Variants in EP300 observed in about 807,000 individuals in gnomAD.
EP300 encodes EP300 lysine acetyltransferase, also known as histone acetyltransferase p300.
EP300 carries 31 observed loss-of-function variants against 264.0 expected under a neutral mutation model. The ratio of observed to expected loss-of-function variants is 0.12; its 90% CI spans 0.09 to 0.16. The LOEUF (loss-of-function observed/expected upper bound fraction) is 0.16, where lower values mean the gene tolerates loss of function less well. Among genes scored for constraint, EP300 ranks in the 10% least tolerant of loss-of-function variants. The pLI is 1.00. For missense variants in EP300, 2,766 were observed against 3,052.9 expected, an observed-to-expected ratio of 0.91 and a Z score of 2.21; for synonymous variants, 1,340 against 1,045.4, an observed-to-expected ratio of 1.28 and a Z score of -5.44.
intron 7 of EP300, 152 bp downstream of exon 7, chr22:41,136,058 TA>T (rs1413839250): frequency 2.8e-6 from 2 of 704,482 alleles, no homozygotes; most frequent in African/African-American, 3.5e-5. Flanking sequence ...TTTCGCTCTG[TA>T]GCCCAGGCTA....
intron 1 of EP300, among the ~76,000 whole-genome samples, chr22:41,110,610 A>G (rs557387736): frequency 6.6e-6 from 1 of 152,072 alleles, no homozygotes. Flanking sequence ...TATCCAGCTA[A>G]TTTTTAAAAA....
At chr22:41,103,436 A>C (rs1162661779) in intron 1 of EP300, among the ~76,000 whole-genome samples, 2 of 152,218 alleles carry the variant, frequency 1.3e-5, no homozygotes, top group Non-Finnish European at 2.9e-5. Flanking sequence ...ATGTCCACAC[A>C]GTTTTCCCGT....
At chr22:41,135,783 T>C in intron 6 of EP300, 30 bp from the exon 7 acceptor site, 1 of 1,496,766 alleles carries the variant, frequency 6.7e-7, no homozygotes, top group Non-Finnish European at 9.3e-7. Context: ...TGTATTTATT[T>C]CTGTCTCCTG....
intron 10 of EP300, among the ~76,000 whole-genome samples, chr22:41,143,391 G>A (rs1180967799): frequency 2.0e-5 from 3 of 152,220 alleles, no homozygotes; most frequent in Non-Finnish European, 4.4e-5. Context: ...GGTCAAGGCT[G>A]CAGTGAGCTG....
chr22:41,094,024 A>G lies in EP300; in HGVS notation c.94+926A>G, dbSNP rs560850612. On this transcript the variant is annotated intron_variant, in intron 1 of 30. Coordinates refer to ENST00000263253, the MANE Select transcript of EP300 (RefSeq NM_001429.4). ...CTTGGAGATCAAGATTTTCGTTTAA[A>G]AGCTTTACGACCAGTTCATTCAGTT... Among the ~76,000 whole-genome samples, 5 of 152,340 alleles carry G rather than the reference A, an allele frequency of 3.3e-5. No individual in the cohort carries two copies. In the East Asian group the frequency reaches 5.8e-4, roughly 18 times the overall value.
intron 1 of EP300, among the ~76,000 whole-genome samples, chr22:41,114,085 A>G (rs2058808527): frequency 6.6e-6 from 1 of 152,184 alleles, no homozygotes; most frequent in East Asian, 1.9e-4. Flanking sequence ...ACGTAAGTAT[A>G]AGGAAATAAT....
At chr22:41,093,497 T>A (rs975126058) in intron 1 of EP300, among the ~76,000 whole-genome samples, 1 of 152,210 alleles carries the variant, frequency 6.6e-6, no homozygotes, top group African/African-American at 2.4e-5. Flanking sequence ...CTGTACTTAC[T>A]GTGTTTCCTC....
At chr22:41,095,211 T>C (rs558861149) in intron 1 of EP300, among the ~76,000 whole-genome samples, 1 of 150,566 alleles carries the variant, frequency 6.6e-6, no homozygotes, top group East Asian at 1.9e-4. Flanking sequence ...GTTAACTTAC[T>C]TCAAGTTGGG....
At chr22:41,164,372 G>C (rs146003246) in intron 22 of EP300, among the ~76,000 whole-genome samples, 25 of 152,042 alleles carry the variant, frequency 1.6e-4, no homozygotes, top group African/African-American at 6.0e-4. Context: ...ATTTTATTCT[G>C]CTGGATTGTT....
intron 6 of EP300, among the ~76,000 whole-genome samples, chr22:41,133,695 C>T (rs1033911581): frequency 1.2e-4 from 18 of 152,104 alleles, no homozygotes; most frequent in Non-Finnish European, 1.9e-4. Flanking sequence ...TCCTATTTTC[C>T]ACTGCTGTGT....
chr22:41,177,140 A>G lies in EP300; in HGVS notation c.5429A>G (p.Lys1810Arg), dbSNP rs2059205179. The G allele has an allele frequency of 6.2e-7, 1 of 1,614,088 alleles. No individual in the cohort carries two copies. Among genetic ancestry groups the G allele is most frequent in the South Asian group, 1.1e-5 (1 of 91,088 alleles). ...KCPVPFCLNI[K>R]QKLRQQQLQH... Reference sequence around the variant, plus strand: ...CCGGTGCCGTTCTGCCTAAACATCAAGCAGAAGCTCCGGCAGCAACAGCTG... The same window carrying G: ...CCGGTGCCGTTCTGCCTAAACATCAGGCAGAAGCTCCGGCAGCAACAGCTG... Residue 1810 changes from lysine (K) to arginine (R), a missense_variant, in exon 31 of 31, where the codon AAG (lysine) becomes AGG (arginine). Transcript: ENST00000263253.
intron 28 of EP300, 54 bp downstream of exon 28, chr22:41,172,717 C>T (rs988061901): frequency 1.3e-6 from 2 of 1,558,276 alleles, no homozygotes; most frequent in African/African-American, 2.7e-5. Context: ...ATATTTAATC[C>T]AGAAGTGCAC....
Position 41,179,915 on chromosome 22 carries a change from C to G in EP300, c.*959C>G. 5.6e-6 allele frequency: 1 copy of G among 177,900 alleles called. No homozygotes were observed. Among genetic ancestry groups the G allele is most frequent in the Middle Eastern group, 1.7e-3 (1 of 606 alleles). 11.0% of individuals were successfully genotyped at this position (177,900 alleles called of 1,614,324 possible). A position where few individuals can be genotyped will look rare whatever the true frequency, so the allele number is the denominator to read the frequency against. ...ACACACACACACACACACACACACA[C>G]ACACACACTTTCTATAAAACTTGAA... On this transcript the variant is annotated 3_prime_UTR_variant, in exon 31 of 31. Transcript: ENST00000263253.
chr22:41,175,192 T>C (rs747374448), intron 29 of EP300, among the ~76,000 whole-genome samples: 1 of 152,352 alleles, frequency 6.6e-6, no homozygotes, highest in South Asian at 2.1e-4. Context: ...ACACATTCCA[T>C]GGCTGTTTAA....
intron 1 of EP300, among the ~76,000 whole-genome samples, chr22:41,096,570 C>T (rs918001801): frequency 1.3e-5 from 2 of 149,766 alleles, no homozygotes; most frequent in African/African-American, 4.9e-5. Flanking sequence ...GATTAATGTA[C>T]ACAGTGGAGA....
At position 41,094,732 on chromosome 22, in the gene EP300, GTTTTTGC is replaced by G. The variant is rs1420245617; in HGVS notation, c.94+1640_94+1646del. On this transcript the variant is annotated intron_variant, in intron 1 of 30. Transcript: ENST00000263253. ...TCTTTCGTATTTGTGTAATGTGGTA[GTTTTTGC>G]TTTTTAGTTTTGGTGTAACGTGGTA... 5.3e-5 allele frequency among the ~76,000 whole-genome samples: 8 copies of G among 152,326 alleles called. No individual in the cohort carries two copies. In the South Asian group the frequency reaches 1.7e-3, roughly 32 times the overall value.
chr22:41,139,597 C>T (rs756891666), intron 8 of EP300, among the ~76,000 whole-genome samples: 1 of 152,134 alleles, frequency 6.6e-6, no homozygotes, highest in Non-Finnish European at 1.5e-5. Context: ...ATAAGAGATA[C>T]TAGTGCAAAA....
rs747431211 is a variant in EP300 at position 41,127,674 on chromosome 22, A to G, written c.1094A>G (p.Asn365Ser). 5.6e-6 allele frequency: 9 copies of G among 1,614,168 alleles called. No individual in the cohort carries two copies. Among genetic ancestry groups the G allele is most frequent in the Admixed American group, 5.0e-5 (3 of 60,014 alleles). ...EQANGEVRQCNLPHCRTMKNV... is the reference protein window; with the variant it reads ...EQANGEVRQCSLPHCRTMKNV... ...GCCAATGGGGAAGTGAGGCAGTGCA[A>G]CCTTCCCCACTGTCGCACAATGAAG... Residue 365 changes from asparagine to serine, a missense_variant, in exon 4 of 31, where the codon AAC becomes AGC. Coordinates refer to ENST00000263253, the MANE Select transcript of EP300 (RefSeq NM_001429.4).
chr22:41,154,669 G>T (rs2059066780), intron 16 of EP300, among the ~76,000 whole-genome samples: 1 of 152,100 alleles, frequency 6.6e-6, no homozygotes, highest in Admixed American at 6.6e-5. Flanking sequence ...ATTTGGCAAA[G>T]TCTCTTCATA....
Sources: allele counts gnomAD v4.1 joint callset (sites outside exome capture counted in the v4.1 genomes callset), GRCh38; gene constraint gnomAD v4.1.1; transcripts MANE v1.5; gene names NCBI Gene and HGNC (gene_info 2026-07-23, HGNC 2026-07-21).